The following ARL15 variants were observed in gnomAD, a reference collection of about 807,000 sequenced individuals.
ARL15 encodes ARF like GTPase 15, also known as ADP-ribosylation factor-like protein 15.
In ARL15, 19 loss-of-function variants were observed where a neutral mutation model predicts 25.2. That is an observed-to-expected ratio of 0.75 (90% confidence interval 0.53 to 1.10). ARL15 has a LOEUF of 1.10. Ranked by LOEUF, ARL15 falls within the 50% of genes least tolerant of loss-of-function variation. The probability of loss-of-function intolerance (pLI) is 0.00; values close to 1 mark genes in which losing one functional copy is unlikely to be tolerated. For synonymous variants in ARL15, 94 were observed against 86.8 expected, an observed-to-expected ratio of 1.08 and a Z score of -0.46; for missense variants, 220 against 246.0, an observed-to-expected ratio of 0.89 and a Z score of 0.71.
intron 4 of ARL15, among the ~76,000 whole-genome samples, chr5:54,103,413 AC>A (rs1752499188): frequency 6.6e-6 from 1 of 152,110 alleles, no homozygotes; most frequent in Non-Finnish European, 1.5e-5. Context: ...CTACTAGATA[AC>A]CTTTTTTCAT....
At chr5:54,099,490 G>T (rs1007803272) in intron 4 of ARL15, among the ~76,000 whole-genome samples, 1 of 152,102 alleles carries the variant, frequency 6.6e-6, no homozygotes, top group African/African-American at 2.4e-5. Context: ...GGTTGTGTAA[G>T]GGCTTTATAG....
intron 4 of ARL15, among the ~76,000 whole-genome samples, chr5:53,991,828 G>T (rs894852305): frequency 3.3e-5 from 5 of 152,010 alleles, no homozygotes; most frequent in African/African-American, 1.2e-4. Flanking sequence ...ATACCTAACA[G>T]TTAACTTATT....
intron 1 of ARL15, among the ~76,000 whole-genome samples, chr5:54,265,305 T>C (rs182336910): frequency 6.6e-6 from 1 of 152,352 alleles, no homozygotes; most frequent in East Asian, 1.9e-4. Context: ...TATGACATTT[T>C]AACTCACCTA....
intron 2 of ARL15, among the ~76,000 whole-genome samples, chr5:54,159,459 GA>G (rs1754339042): frequency 1.3e-5 from 2 of 152,294 alleles, no homozygotes; most frequent in Middle Eastern, 3.4e-3. Flanking sequence ...CCTTGGCCTT[GA>G]ATTCCTCATG....
chr5:54,150,170 G>A (rs1754027708), intron 3 of ARL15, among the ~76,000 whole-genome samples: 1 of 152,198 alleles, frequency 6.6e-6, no homozygotes, highest in African/African-American at 2.4e-5. Flanking sequence ...CTAGAACTGA[G>A]CCTGGCATGT....
intron 4 of ARL15, among the ~76,000 whole-genome samples, chr5:54,036,410 T>C (rs1312385305): frequency 6.6e-6 from 1 of 152,162 alleles, no homozygotes; most frequent in Non-Finnish European, 1.5e-5. Context: ...ATTTAAAAGA[T>C]ATAGTCCATC....
intron 4 of ARL15, among the ~76,000 whole-genome samples, chr5:54,003,664 CTAT>C (rs1561184592): frequency 6.2e-4 from 9 of 14,432 alleles, no homozygotes; most frequent in African/African-American, 9.8e-4. Flanking sequence ...TATTTTCTTT[CTAT>C]CTATCTATCT....
chr5:54,234,019 G>A (rs1756738565), intron 1 of ARL15, among the ~76,000 whole-genome samples: 1 of 151,764 alleles, frequency 6.6e-6, no homozygotes, highest in Non-Finnish European at 1.5e-5. Context: ...TTTATTTTTT[G>A]AGACAGTCTC....
intron 4 of ARL15, among the ~76,000 whole-genome samples, chr5:53,937,144 TG>T (rs1363060381): frequency 6.6e-6 from 1 of 152,172 alleles, no homozygotes; most frequent in Non-Finnish European, 1.5e-5. Flanking sequence ...GGAGGCTCGG[TG>T]TCAATGGCTT....
chr5:54,232,098 C>T (rs1756687724), intron 1 of ARL15, among the ~76,000 whole-genome samples: 1 of 152,320 alleles, frequency 6.6e-6, no homozygotes, highest in Admixed American at 6.5e-5. Context: ...ATACCTTTTG[C>T]TTAACTAACC....
chr5:53,917,977 C>CA (rs1745712150), intron 4 of ARL15, among the ~76,000 whole-genome samples: 1 of 152,118 alleles, frequency 6.6e-6, no homozygotes, highest in African/African-American at 2.4e-5. Flanking sequence ...AACTCAGGCT[C>CA]AAAGAGGCTC....
chr5:54,155,244 TTATCAGA>T (rs1257231505), intron 2 of ARL15, among the ~76,000 whole-genome samples: 3 of 152,220 alleles, frequency 2.0e-5, no homozygotes, highest in African/African-American at 7.2e-5. Flanking sequence ...TCTGCAACTT[TTATCAGA>T]TATAAGAAAG....
chr5:54,251,881 T>A (rs1026785612), intron 1 of ARL15, among the ~76,000 whole-genome samples: 2 of 152,212 alleles, frequency 1.3e-5, no homozygotes, highest in Non-Finnish European at 2.9e-5. Flanking sequence ...AATTAGTACA[T>A]CAGAATCCCT....
intron 4 of ARL15, among the ~76,000 whole-genome samples, chr5:53,948,580 G>T (rs1746829838): frequency 6.6e-6 from 1 of 152,156 alleles, no homozygotes; most frequent in South Asian, 2.1e-4. Flanking sequence ...TATGCTGTTG[G>T]AGCCTTTATC....
intron 3 of ARL15, among the ~76,000 whole-genome samples, chr5:54,149,588 C>A (rs999040296): frequency 2.6e-5 from 4 of 152,172 alleles, no homozygotes; most frequent in Middle Eastern, 3.4e-3. Flanking sequence ...ACTAATTTAG[C>A]CCTCACAAGG....
At chr5:54,048,385 T>C (rs1406467481) in intron 4 of ARL15, 1 of 128,368 alleles carries the variant, frequency 7.8e-6, no homozygotes, top group African/African-American at 3.0e-5. Flanking sequence ...AAATTATATA[T>C]ATATAAATTA....
Position 54,164,411 on chromosome 5 carries a change from C to T in ARL15, c.193+7373G>A, listed in dbSNP as rs1439405379. 8.6e-5 allele frequency among the ~76,000 whole-genome samples: 13 copies of T among 151,992 alleles called. No individual in the cohort carries two copies. In the East Asian group the frequency reaches 2.1e-3, roughly 25 times the overall value. Reference sequence around the variant, plus strand: ...CTGTTAGTGTTGTTGAAGTCTGCTACGTACTGGCTGATTTTCTTCCCACAT... The same window carrying T: ...CTGTTAGTGTTGTTGAAGTCTGCTATGTACTGGCTGATTTTCTTCCCACAT... On this transcript the variant is annotated intron_variant, in intron 2 of 4. Coordinates refer to ENST00000504924, the MANE Select transcript of ARL15 (RefSeq NM_019087.3).
At chr5:53,890,670 G>T in intron 4 of ARL15, among the ~76,000 whole-genome samples, 1 of 152,250 alleles carries the variant, frequency 6.6e-6, no homozygotes, top group East Asian at 1.9e-4. Flanking sequence ...GGAAAACAAA[G>T]CCACCACCAG....
chr5:54,299,169 T>C (rs974445803), intron 1 of ARL15, among the ~76,000 whole-genome samples: 2 of 152,304 alleles, frequency 1.3e-5, no homozygotes, highest in Admixed American at 6.5e-5. Context: ...CCAAAAGTGC[T>C]GAGATTACAG....
Sources: allele counts gnomAD v4.1 joint callset (sites outside exome capture counted in the v4.1 genomes callset), GRCh38; gene constraint gnomAD v4.1.1; transcripts MANE v1.5; gene names NCBI Gene and HGNC (gene_info 2026-07-23, HGNC 2026-07-21).